OSBPL5: variants seen among roughly 807,000 people sequenced by gnomAD.
The protein encoded by OSBPL5 is oxysterol-binding protein-related protein 5.
In OSBPL5, 71 loss-of-function variants were observed where a neutral mutation model predicts 111.2. The ratio of observed to expected loss-of-function variants is 0.64; its 90% CI spans 0.53 to 0.78. The LOEUF (loss-of-function observed/expected upper bound fraction) is 0.78. Among genes scored for constraint, OSBPL5 ranks in the 30% least tolerant of loss-of-function variants. The pLI is 0.00. For missense variants in OSBPL5, 1,210 were observed against 1,189.3 expected (o/e 1.02, Z -0.26); for synonymous variants, 549 against 513.9 (o/e 1.07, Z -0.93).
chr11:3,131,858 C>CATCT, intron 1 of OSBPL5, among the ~76,000 whole-genome samples: 1 of 100,736 alleles, frequency 9.9e-6, no homozygotes, highest in Non-Finnish European at 2.2e-5. Flanking sequence ...CCCACCAAAC[C>CATCT]ATCCATCCAT....
intron 10 of OSBPL5, among the ~76,000 whole-genome samples, chr11:3,103,689 C>A (rs1438018126): frequency 6.7e-6 from 1 of 149,010 alleles, no homozygotes; most frequent in Non-Finnish European, 1.5e-5. Context: ...TCTCTGCAGC[C>A]CCCTTCCAGC....
chr11:3,112,594 G>C (rs1413634467), intron 7 of OSBPL5, among the ~76,000 whole-genome samples: 2 of 150,600 alleles, frequency 1.3e-5, no homozygotes, highest in Admixed American at 1.3e-4. Context: ...AAATTTGTAA[G>C]TGCACTATAA....
In OSBPL5 at chr11:3,120,495, C is replaced by A. The variant is rs778526206; in HGVS notation, c.532G>T (p.Glu178Ter). The A allele has an allele frequency of 1.2e-6, 2 of 1,613,332 alleles. No individual in the cohort carries two copies. The highest frequency in any genetic ancestry group is 2.2e-5 in the East Asian group (1 of 44,880). Residue 178 changes from glutamate (E) to a stop codon, truncating the protein, a stop_gained, in exon 6 of 22, where the codon GAG becomes TAG. Coordinates refer to ENST00000263650, the MANE Select transcript of OSBPL5 (RefSeq NM_020896.4). LOFTEE classifies it high-confidence loss of function. ...TVLLHCCELIERPSKKDGFCF... is the reference protein window; with the variant it reads ...TVLLHCCELI Reference sequence around the variant, plus strand: ...AAGCCGTCCTTCTTGGAGGGCCGCTCGATGAGCTCGCAGCAGTGCAGCAGC... The same window carrying A: ...AAGCCGTCCTTCTTGGAGGGCCGCTAGATGAGCTCGCAGCAGTGCAGCAGC...
rs1375976949 is a variant in OSBPL5, at chr11:3,107,249, T to TG, written c.1059+13dup. The TG allele has an allele frequency of 5.6e-6, 9 of 1,608,562 alleles. No individual in the cohort carries two copies. In the African/African-American group the frequency reaches 9.4e-5, roughly 17 times the overall value. The stretch of plus-strand genomic sequence containing the variant: ...AGGGGAGACGCTTGGGGCTCCTGGC[T>TG]GGGGGGCTCTCACCTCCCCCAGCTC... On this transcript the variant is annotated intron_variant, in intron 9 of 21. Transcript: ENST00000263650. This position sits in a 1 kb window ranked among gnomAD's most constrained non-coding sequence, Gnocchi z 6.1.
intron 7 of OSBPL5, among the ~76,000 whole-genome samples, chr11:3,114,819 T>C (rs1161381313): frequency 6.6e-6 from 1 of 152,022 alleles, no homozygotes; most frequent in Non-Finnish European, 1.5e-5. Context: ...GCCAGGATGG[T>C]CTTGATCTCC....
In OSBPL5 at chr11:3,104,188, C is replaced by T. The variant is rs199919671; in HGVS notation, c.1244+5G>A. 8.2e-4 allele frequency: 1,318 copies of T among 1,597,752 alleles called. 2 individuals are homozygous for T. Among genetic ancestry groups the T allele is most frequent in the Non-Finnish European group, 1.0e-3 (1,210 of 1,167,772 alleles). On this transcript the variant is annotated splice_donor_5th_base_variant and intron_variant, in intron 10 of 21. Coordinates refer to ENST00000263650, the MANE Select transcript of OSBPL5 (RefSeq NM_020896.4). The surrounding 1 kb of genome is among the most constrained non-coding windows in gnomAD (Gnocchi z 5.0). ...GTGGGGTGCCCCTCCCGGCATGGCGCGCACCTGGAGAGCAGGTCTGCGTGG... is the reference window on the plus strand; with the variant it reads ...GTGGGGTGCCCCTCCCGGCATGGCGTGCACCTGGAGAGCAGGTCTGCGTGG...
chr11:3,098,406 G>A (rs372957791), intron 14 of OSBPL5, among the ~76,000 whole-genome samples: 1 of 149,880 alleles, frequency 6.7e-6, no homozygotes, highest in Non-Finnish European at 1.5e-5. Flanking sequence ...GAAACCTCAG[G>A]TTCAAATAAT....
chr11:3,129,304 C>G, intron 1 of OSBPL5, 135 bp from the exon 2 acceptor site: 1 of 818,024 alleles, frequency 1.2e-6, no homozygotes. Flanking sequence ...GGGCCTGGGC[C>G]CTGGGAGCCT....
rs537900739 is a variant in OSBPL5, at chr11:3,090,634, G to A, written c.2322C>T (p.Ala774=). 8 of 1,612,984 alleles carry A rather than the reference G, an allele frequency of 5.0e-6. No homozygotes were observed. Among genetic ancestry groups the A allele is most frequent in the Middle Eastern group, 1.6e-4 (1 of 6,062 alleles). ...ASDQPSGHSQ[A]TESSGSTPES... is the part of the protein sequence containing the mutation. ...CAGGCGTGGATCCGCTGCTCTCCGT[G>A]GCCTGGCTGTGGCCGGAGGGCTGGT... The change falls in exon 20 of 22, where the codon GCC becomes GCT. Residue 774 remains alanine (A), a synonymous_variant. Transcript: ENST00000263650.
intron 1 of OSBPL5, among the ~76,000 whole-genome samples, chr11:3,135,406 C>T (rs1845922387): frequency 1.3e-5 from 2 of 151,886 alleles, no homozygotes; most frequent in Admixed American, 1.3e-4. Flanking sequence ...TTCTGGAGGG[C>T]CAGAGAGTAA....
At chr11:3,114,596 T>C (rs1278786814) in intron 7 of OSBPL5, among the ~76,000 whole-genome samples, 2 of 138,132 alleles carry the variant, frequency 1.4e-5, no homozygotes, top group African/African-American at 2.8e-5. Context: ...CAATGATTTT[T>C]TTTTTTTTTT....
chr11:3,103,753 C>CCTGCCTGCG lies in OSBPL5; in HGVS notation c.1245-434_1245-433insCGCAGGCAG, dbSNP rs1857556736. Among the ~76,000 whole-genome samples the CCTGCCTGCG allele has an allele frequency of 7.7e-5, 4 of 51,658 alleles. 1 individual carries two copies. In the South Asian group the frequency reaches 2.0e-3, roughly 25 times the overall value. 33.9% of individuals were successfully genotyped at this position (51,658 alleles called of 152,430 possible). A position where few individuals can be genotyped will look rare whatever the true frequency, so the allele number is the denominator to read the frequency against. On this transcript the variant is annotated intron_variant, in intron 10 of 21. Coordinates refer to ENST00000263650, the MANE Select transcript of OSBPL5 (RefSeq NM_020896.4). The stretch of plus-strand genomic sequence containing the variant: ...CCCTTCCTGCCTCTGCAACCCTCTT[C>CCTGCCTGCG]CAGCTCTGCAGCCCCCTTCCAGCCT...
In OSBPL5 at chr11:3,134,939, G is replaced by T. The variant is rs368266412; in HGVS notation, c.-21-5770C>A. On this transcript the variant is annotated intron_variant, in intron 1 of 21. Coordinates refer to ENST00000263650, the MANE Select transcript of OSBPL5 (RefSeq NM_020896.4). The stretch of plus-strand genomic sequence containing the variant: ...ACAATCCCACTTGTGGTCCCACTAG[G>T]CTGGAGAGGGGACGCGGGAGAAGCT... Among the ~76,000 whole-genome samples, 24 of 152,324 alleles carry T rather than the reference G, an allele frequency of 1.6e-4. No individual in the cohort carries two copies. The East Asian group carries it at 4.1e-3, about 26-fold the overall frequency.
chr11:3,150,643 C>A (rs1303316587), intron 1 of OSBPL5, among the ~76,000 whole-genome samples: 1 of 152,198 alleles, frequency 6.6e-6, no homozygotes, highest in Non-Finnish European at 1.5e-5. Context: ...GGGAGCAGAA[C>A]TCTTCCCTTC....
chr11:3,120,370 GC>G (rs1345428960), intron 6 of OSBPL5, 50 bp downstream of exon 6: 2 of 1,564,586 alleles, frequency 1.3e-6, no homozygotes, highest in East Asian at 4.7e-5. Context: ...CTAGGAATGA[GC>G]CCCTTGGCCC....
chr11:3,129,620 G>A (rs1472420421), intron 1 of OSBPL5, among the ~76,000 whole-genome samples: 2 of 152,192 alleles, frequency 1.3e-5, no homozygotes, highest in Non-Finnish European at 2.9e-5. Context: ...CCAGGTGGCC[G>A]CTGAGCACCA....
At chr11:3,135,705 C>T (rs1845931290) in intron 1 of OSBPL5, among the ~76,000 whole-genome samples, 1 of 152,248 alleles carries the variant, frequency 6.6e-6, no homozygotes, top group Admixed American at 6.5e-5. Flanking sequence ...AGACACCGCC[C>T]CGTGGTGGCA....
chr11:3,128,551 A>C (rs1347345994), intron 2 of OSBPL5, among the ~76,000 whole-genome samples: 4 of 152,204 alleles, frequency 2.6e-5, no homozygotes, highest in African/African-American at 9.7e-5. Context: ...GCCTGGTTCC[A>C]GCTGTCCCCT....
intron 6 of OSBPL5, 160 bp from the exon 7 acceptor site, chr11:3,119,791 T>C (rs1858339339): frequency 1.7e-6 from 1 of 587,216 alleles, no homozygotes; most frequent in South Asian, 2.3e-5. Flanking sequence ...AGGTAGACAC[T>C]TGGCTGCAGA....
Sources: allele counts gnomAD v4.1 joint callset (sites outside exome capture counted in the v4.1 genomes callset), GRCh38; gene constraint gnomAD v4.1.1; non-coding constraint Gnocchi (gnomAD v3.1); transcripts MANE v1.5; gene names NCBI Gene and HGNC (gene_info 2026-07-23, HGNC 2026-07-21).